The following SMARCAL1 variants were observed in gnomAD, a reference collection of about 807,000 sequenced individuals.
SMARCAL1 encodes the protein ATP-driven annealing helicase.
A neutral mutation model predicts 94.5 loss-of-function variants in SMARCAL1; 58 were observed. The ratio of observed to expected loss-of-function variants is 0.61; its 90% CI spans 0.50 to 0.76. The LOEUF (loss-of-function observed/expected upper bound fraction) is 0.76, where lower values mean the gene tolerates loss of function less well. SMARCAL1 is among the 30% of genes least tolerant of loss of function. The pLI is 0.00. For missense variants in SMARCAL1, 1,051 were observed against 1,177.9 expected (o/e 0.89, Z 1.58); for synonymous variants, 422 against 455.1 (o/e 0.93, Z 0.93).
chr2:216,440,199 C>T (rs1694167993), intron 10 of SMARCAL1, among the ~76,000 whole-genome samples: 2 of 152,100 alleles, frequency 1.3e-5, no homozygotes, highest in South Asian at 4.1e-4. Context: ...CATAGGAAAA[C>T]AATAGGGTTA....
chr2:216,453,815 A>T (rs534273727), intron 12 of SMARCAL1, among the ~76,000 whole-genome samples: 2 of 152,360 alleles, frequency 1.3e-5, no homozygotes, highest in Non-Finnish European at 2.9e-5. Flanking sequence ...TCAAGAATTG[A>T]TTCTTTGTTC....
intron 6 of SMARCAL1, among the ~76,000 whole-genome samples, chr2:216,425,283 AC>A (rs1189079393): frequency 6.6e-6 from 1 of 152,222 alleles, no homozygotes; most frequent in East Asian, 1.9e-4. Flanking sequence ...GCAGCTCCAG[AC>A]TGTGGCACAG....
At chr2:216,470,177 G>GA (rs1694930487) in intron 14 of SMARCAL1, among the ~76,000 whole-genome samples, 2 of 152,030 alleles carry the variant, frequency 1.3e-5, no homozygotes, top group African/African-American at 4.8e-5. Context: ...GGGGAGGGGG[G>GA]TCTCGCTCCG....
intron 7 of SMARCAL1, 122 bp downstream of exon 7, chr2:216,428,904 A>T: frequency 2.1e-6 from 2 of 934,572 alleles, no homozygotes; most frequent in Non-Finnish European, 3.4e-6. Context: ...GAAAATTTAG[A>T]AGAGTCTAGG....
chr2:216,428,995 A>C (rs1473972130), intron 7 of SMARCAL1, among the ~76,000 whole-genome samples: 3 of 152,254 alleles, frequency 2.0e-5, no homozygotes, highest in Non-Finnish European at 4.4e-5. Context: ...CAAGACTCTG[A>C]ATTGCAGCTA....
Position 216,475,847 on chromosome 2 carries a change from T to G in SMARCAL1, c.2427+396T>G, listed in dbSNP as rs1695064270. On this transcript the variant is annotated intron_variant, in intron 15 of 17. Transcript: ENST00000357276. This position sits in a 1 kb window ranked among gnomAD's most constrained non-coding sequence, Gnocchi z 4.4. ...CGACTCCATTTTATCAACGGGAAGG[T>G]TGAAGTCTTCCAGGGCTAGAAGGAA... Among the ~76,000 whole-genome samples the G allele has an allele frequency of 6.6e-6, 1 of 152,036 alleles. No homozygotes were observed. Among genetic ancestry groups the G allele is most frequent in the Non-Finnish European group, 1.5e-5 (1 of 68,008 alleles).
intron 12 of SMARCAL1, among the ~76,000 whole-genome samples, chr2:216,461,363 T>C (rs1001025655): frequency 6.6e-6 from 1 of 151,900 alleles, no homozygotes; most frequent in Middle Eastern, 3.2e-3. Flanking sequence ...TATGTTGCTT[T>C]AAGATATATT....
intron 8 of SMARCAL1, among the ~76,000 whole-genome samples, chr2:216,433,728 A>G (rs1694014445): frequency 6.6e-6 from 1 of 152,128 alleles, no homozygotes; most frequent in African/African-American, 2.4e-5. Context: ...TGAAATGAAT[A>G]AAAAGCCCAT....
In SMARCAL1 at chr2:216,449,012, T is replaced by C. The variant is rs1694382316; in HGVS notation, c.1852-1834T>C. On this transcript the variant is annotated intron_variant, in intron 11 of 17. Transcript: ENST00000357276. ...AACTTACAAAGAATAGAGGTTTATT[T>C]AGCTCATGGTTCTGGAGACTGGGAA... is the stretch of plus-strand genomic sequence containing the variant. Among the ~76,000 whole-genome samples, 3 of 152,232 alleles carry C rather than the reference T, an allele frequency of 2.0e-5. No homozygotes were observed. The South Asian group carries it at 6.2e-4, about 32-fold the overall frequency.
At chr2:216,436,487 T>C (rs1694085784) in intron 9 of SMARCAL1, among the ~76,000 whole-genome samples, 1 of 152,248 alleles carries the variant, frequency 6.6e-6, no homozygotes, top group Admixed American at 6.5e-5. Context: ...ATACCGTTAC[T>C]GACCTCAGGG....
intron 12 of SMARCAL1, among the ~76,000 whole-genome samples, chr2:216,455,477 G>A (rs7575293): frequency 0.097 from 14,701 of 152,168 alleles, 881 homozygotes; most frequent in South Asian, 0.19. Flanking sequence ...CACCTCACAC[G>A]GCCAGGTACC....
At chr2:216,474,328 C>T (rs1184947217) in intron 14 of SMARCAL1, among the ~76,000 whole-genome samples, 2 of 147,594 alleles carry the variant, frequency 1.4e-5, no homozygotes, top group African/African-American at 2.5e-5. Context: ...TTAGTAGAGG[C>T]GGGGTTCCGC....
chr2:216,414,803 T>C lies in SMARCAL1; in HGVS notation c.99T>C (p.His33=). ...RRAEKLLAEQ[H]QRTSSGTSIA... ...CTGAGAAGTTATTGGCAGAACAGCA[T>C]CAGAGGACTAGCTCGGGCACCTCCA... The change falls in exon 3 of 18, where the codon CAT becomes CAC. Residue 33 remains histidine, a synonymous_variant. Transcript: ENST00000357276. 3 of 1,614,202 alleles carry C rather than the reference T, an allele frequency of 1.9e-6. No individual in the cohort carries two copies. Among genetic ancestry groups the C allele is most frequent in the Non-Finnish European group, 2.5e-6 (3 of 1,180,044 alleles).
intron 17 of SMARCAL1, among the ~76,000 whole-genome samples, chr2:216,478,553 A>G (rs1158704784): frequency 6.6e-6 from 1 of 152,198 alleles, no homozygotes; most frequent in Non-Finnish European, 1.5e-5. Flanking sequence ...CCAGCAGGCC[A>G]TTAGAAACTG....
At chr2:216,423,538 G>T in intron 5 of SMARCAL1, 95 bp from the exon 6 acceptor site, 1 of 1,035,138 alleles carries the variant, frequency 9.7e-7, no homozygotes, top group Non-Finnish European at 1.5e-6. Context: ...TAAGCTGAAT[G>T]GAAGTTTATG....
At chr2:216,425,234 A>G (rs555127269) in intron 6 of SMARCAL1, among the ~76,000 whole-genome samples, 2 of 152,366 alleles carry the variant, frequency 1.3e-5, no homozygotes, top group South Asian at 2.1e-4. Flanking sequence ...GTCTGGCCAC[A>G]GCACATAGCC....
chr2:216,420,626 A>C, intron 5 of SMARCAL1, 94 bp downstream of exon 5: 1 of 963,592 alleles, frequency 1.0e-6, no homozygotes, highest in Non-Finnish European at 1.7e-6. Context: ...TTCAAAAATT[A>C]CTTTCTTGGG....
chr2:216,470,279 T>C (rs284528), intron 14 of SMARCAL1, among the ~76,000 whole-genome samples: 38,850 of 151,896 alleles, frequency 0.26, 5,414 homozygotes, highest in Non-Finnish European at 0.3. Context: ...GCCTCCTGAA[T>C]AGCTGGGATT....
Position 216,469,877 on chromosome 2 carries a change from C to T in SMARCAL1, c.2244+1831C>T, listed in dbSNP as rs563261957. Among the ~76,000 whole-genome samples the T allele has an allele frequency of 3.9e-5, 6 of 152,266 alleles. 1 individual carries two copies. The South Asian group carries it at 6.2e-4, about 16-fold the overall frequency. On this transcript the variant is annotated intron_variant, in intron 14 of 17. Transcript: ENST00000357276. ...AAGGGTTCCTGCTGTTCTGTGTGCC[C>T]ATTAACACTGGTATTATCCAACTTT...
Sources: gnomAD v4.1 joint callset for allele counts (sites outside exome capture counted in the v4.1 genomes callset) on GRCh38, gnomAD v4.1.1 for gene constraint, Gnocchi (gnomAD v3.1) non-coding constraint, MANE v1.5 for transcripts, NCBI Gene and HGNC (gene_info 2026-07-23, HGNC 2026-07-21) for gene names.